Variants in PPP3CA observed in about 807,000 individuals in gnomAD.
The protein encoded by PPP3CA is CAM-PRP catalytic subunit.
PPP3CA carries 14 observed loss-of-function variants against 66.5 expected under a neutral mutation model. That is an observed-to-expected ratio of 0.21 (90% CI 0.14 to 0.33). PPP3CA has a LOEUF of 0.33. Ranked by LOEUF, PPP3CA falls within the 10% of genes least tolerant of loss-of-function variation. The pLI, the probability that PPP3CA is intolerant of heterozygous loss-of-function variation, is 1.00. For missense variants in PPP3CA, 317 were observed against 639.5 expected, an observed-to-expected ratio of 0.50 and a Z score of 5.44; for synonymous variants, 232 against 226.2, an observed-to-expected ratio of 1.03 and a Z score of -0.23.
At chr4:101,112,707 C>T (rs1721713867) in intron 2 of PPP3CA, among the ~76,000 whole-genome samples, 1 of 152,130 alleles carries the variant, frequency 6.6e-6, no homozygotes, top group Admixed American at 6.6e-5. Context: ...TCAGTAAGGT[C>T]TTTCTTGACC....
Position 101,331,448 on chromosome 4 carries a change from T to C in PPP3CA, c.58+15291A>G, listed in dbSNP as rs116660768. ...AAGAATAATGTGCCAGGCATTGCAC[T>C]AAGCACTGGAGAGATCAACTGGATA... On this transcript the variant is annotated intron_variant, in intron 1 of 13. Transcript: ENST00000394854. Among the ~76,000 whole-genome samples, 985 of 152,332 alleles carry C rather than the reference T, an allele frequency of 6.5e-3. 11 individuals are homozygous for C. Among genetic ancestry groups the C allele is most frequent in the African/African-American group, 0.022 (934 of 41,574 alleles).
chr4:101,266,475 G>A (rs953306617), intron 1 of PPP3CA, among the ~76,000 whole-genome samples: 1 of 152,126 alleles, frequency 6.6e-6, no homozygotes, highest in Non-Finnish European at 1.5e-5. Context: ...ATCAGTTACA[G>A]TATTATATAG....
At chr4:101,175,665 G>T (rs958058321) in intron 2 of PPP3CA, among the ~76,000 whole-genome samples, 5 of 152,174 alleles carry the variant, frequency 3.3e-5, no homozygotes, top group African/African-American at 1.2e-4. Context: ...CATATTAAAA[G>T]ATGTGTATGC....
At chr4:101,161,021 G>A (rs950807686) in intron 2 of PPP3CA, among the ~76,000 whole-genome samples, 1 of 152,004 alleles carries the variant, frequency 6.6e-6, no homozygotes, top group African/African-American at 2.4e-5. Flanking sequence ...ATGATGGTAG[G>A]CCCATAAGAT....
intron 1 of PPP3CA, among the ~76,000 whole-genome samples, chr4:101,200,608 T>C (rs542139652): frequency 3.9e-5 from 6 of 152,272 alleles, no homozygotes; most frequent in African/African-American, 1.4e-4. Context: ...CCTCCTTTTT[T>C]TCCCCCCTCA....
At chr4:101,286,212 G>A (rs1445768302) in intron 1 of PPP3CA, among the ~76,000 whole-genome samples, 2 of 152,204 alleles carry the variant, frequency 1.3e-5, no homozygotes. Flanking sequence ...AGGTAGTAAT[G>A]CTTGCTGGCC....
In PPP3CA at chr4:101,108,875, A is replaced by AT; in HGVS notation, c.384+78dup. On this transcript the variant is annotated intron_variant, in intron 3 of 13. Coordinates refer to ENST00000394854, the MANE Select transcript of PPP3CA (RefSeq NM_000944.5). ...CATTGTTAGAGGTTTCCATAAGGCA[A>AT]TAACATTTACTGCTTTTATTTTTTT... is the stretch of plus-strand genomic sequence containing the variant. The AT allele has an allele frequency of 6.4e-6, 9 of 1,408,686 alleles. 1 individual carries two copies. The Admixed American group carries it at 1.5e-4, about 23-fold the overall frequency. 87.3% of individuals were successfully genotyped at this position (1,408,686 alleles called of 1,614,324 possible). A position where few individuals can be genotyped will look rare whatever the true frequency, so the allele number is the denominator to read the frequency against.
intron 1 of PPP3CA, among the ~76,000 whole-genome samples, chr4:101,337,171 T>C (rs1322872798): frequency 2.0e-5 from 3 of 152,194 alleles, no homozygotes; most frequent in Admixed American, 2.0e-4. Context: ...ACCATCCCAA[T>C]GTTAAATGCC....
intron 2 of PPP3CA, among the ~76,000 whole-genome samples, chr4:101,112,911 C>G (rs890292818): frequency 2.6e-5 from 4 of 152,018 alleles, no homozygotes; most frequent in African/African-American, 9.7e-5. Flanking sequence ...CTTGTGTGCC[C>G]AGGAGGCACA....
At chr4:101,323,240 T>C (rs1272591745) in intron 1 of PPP3CA, among the ~76,000 whole-genome samples, 1 of 152,164 alleles carries the variant, frequency 6.6e-6, no homozygotes, top group Non-Finnish European at 1.5e-5. Flanking sequence ...CTGTAGGTGT[T>C]CCTCAAATAG....
intron 1 of PPP3CA, among the ~76,000 whole-genome samples, chr4:101,270,639 C>T (rs1162583416): frequency 6.6e-6 from 1 of 152,114 alleles, no homozygotes; most frequent in Non-Finnish European, 1.5e-5. Flanking sequence ...AGAAATGATA[C>T]ATCTGCATAT....
At chr4:101,111,873 T>C (rs1211105450) in intron 2 of PPP3CA, among the ~76,000 whole-genome samples, 1 of 152,198 alleles carries the variant, frequency 6.6e-6, no homozygotes, top group Admixed American at 6.6e-5. Flanking sequence ...TCAAAATGGC[T>C]GTATTTAAAA....
chr4:101,181,168 T>C (rs1371407219), intron 2 of PPP3CA, among the ~76,000 whole-genome samples: 1 of 152,110 alleles, frequency 6.6e-6, no homozygotes, highest in African/African-American at 2.4e-5. Context: ...TAGCTTTTCA[T>C]GAGAATTTTT....
intron 1 of PPP3CA, among the ~76,000 whole-genome samples, chr4:101,247,966 G>C (rs953868474): frequency 6.6e-6 from 1 of 152,100 alleles, no homozygotes; most frequent in African/African-American, 2.4e-5. Context: ...ATGAGAAAGA[G>C]AGAGAGTTGA....
Position 101,326,823 on chromosome 4 carries a change from G to A in PPP3CA, c.58+19916C>T, listed in dbSNP as rs374926696. On this transcript the variant is annotated intron_variant, in intron 1 of 13. Coordinates refer to ENST00000394854, the MANE Select transcript of PPP3CA (RefSeq NM_000944.5). ...TTCATTTACAAACATCTCTGAACAA[G>A]TAGCTGGGGATAACAATTCAAGAGA... Among the ~76,000 whole-genome samples the A allele has an allele frequency of 9.9e-5, 15 of 152,170 alleles. No homozygotes were observed. The East Asian group carries it at 1.2e-3, about 12-fold the overall frequency.
At chr4:101,294,995 C>T (rs567054955) in intron 1 of PPP3CA, among the ~76,000 whole-genome samples, 1 of 152,244 alleles carries the variant, frequency 6.6e-6, no homozygotes, top group African/African-American at 2.4e-5. Flanking sequence ...TACTGGTATA[C>T]TTGGTGTGAA....
intron 2 of PPP3CA, among the ~76,000 whole-genome samples, chr4:101,132,910 T>A (rs1314839965): frequency 2.0e-5 from 3 of 152,214 alleles, no homozygotes; most frequent in Non-Finnish European, 4.4e-5. Flanking sequence ...CACGATAAAG[T>A]CAGCTTCATC....
intron 1 of PPP3CA, among the ~76,000 whole-genome samples, chr4:101,320,805 T>C (rs1443261262): frequency 6.6e-6 from 1 of 152,088 alleles, no homozygotes; most frequent in Non-Finnish European, 1.5e-5. Context: ...TTCAGAATCT[T>C]CGGGAGAGAT....
chr4:101,147,212 T>G (rs1002072209), intron 2 of PPP3CA, among the ~76,000 whole-genome samples: 4 of 152,216 alleles, frequency 2.6e-5, no homozygotes, highest in African/African-American at 9.6e-5. Context: ...GATAAAATGA[T>G]GGATTTAGAG....
Sources: allele counts gnomAD v4.1 joint callset (sites outside exome capture counted in the v4.1 genomes callset), GRCh38; gene constraint gnomAD v4.1.1; transcripts MANE v1.5; gene names NCBI Gene and HGNC (gene_info 2026-07-23, HGNC 2026-07-21).